MFSD12: variants seen among roughly 807,000 people sequenced by gnomAD.
MFSD12 encodes major facilitator superfamily domain containing 12.
Under a neutral mutation model 51.2 loss-of-function variants are expected in MFSD12, and 67 were observed. The ratio of observed to expected loss-of-function variants is 1.31; its 90% CI spans 1.08 to 1.60. The LOEUF is 1.60. MFSD12 is among the 40% of genes most tolerant of loss of function. MFSD12 has a pLI of 0.00. For synonymous variants in MFSD12, 441 were observed against 316.7 expected, an observed-to-expected ratio of 1.39 and a Z score of -4.17; for missense variants, 921 against 673.0, an observed-to-expected ratio of 1.37 and a Z score of -4.08.
In MFSD12 at chr19:3,551,106, G is replaced by C. The variant is rs993982525; in HGVS notation, c.387C>G (p.Leu129=). The C allele has an allele frequency of 2.5e-6, 4 of 1,613,152 alleles. No individual in the cohort carries two copies. The highest frequency in any genetic ancestry group is 1.1e-5 in the South Asian group (1 of 91,076). Residue 129 remains leucine (L), a synonymous_variant, in exon 2 of 10, where the codon CTC becomes CTG. Coordinates refer to ENST00000355415, the MANE Select transcript of MFSD12 (RefSeq NM_174983.5). The surrounding 1 kb of genome is among the most constrained non-coding windows in gnomAD (Gnocchi z 4.6). The stretch of plus-strand genomic sequence containing the variant: ...AGATCACGATGAACGGGCCGTAGTA[G>C]AGGAGGGCAGCCCACTCGGGCGTGG... ...GAATPEWAAL[L]YYGPFIVIFQ... is the part of the protein sequence containing the mutation.
Position 3,544,348 on chromosome 19 carries a change from T to C in MFSD12, c.*362A>G. The C allele has an allele frequency of 1.6e-6, 2 of 1,273,498 alleles. No homozygotes were observed. Among genetic ancestry groups the C allele is most frequent in the Non-Finnish European group, 2.0e-6 (2 of 1,009,364 alleles). The allele number at this position is 1,273,498 out of a possible 1,614,324, so 78.9% of individuals were successfully genotyped here. A position where few individuals can be genotyped will look rare whatever the true frequency, so the allele number is the denominator to read the frequency against. ...GTCCTGAGGGGGCCCTGGCAGTGTC[T>C]GGAGACCCCCAGGCTGGAGGTGAGG... On this transcript the variant is annotated 3_prime_UTR_variant, in exon 10 of 10. Transcript: ENST00000355415.
chr19:3,546,667 A>T (rs887175905), intron 6 of MFSD12, among the ~76,000 whole-genome samples: 1 of 152,242 alleles, frequency 6.6e-6, no homozygotes, highest in Admixed American at 6.5e-5. Context: ...AGCGCAGGTC[A>T]GTTACAACGA....
Position 3,547,733 on chromosome 19 carries a change from T to G in MFSD12, c.837+115A>C, listed in dbSNP as rs546003806. ...TGATGAGTGACGTTTGCCCTGGGTG[T>G]GGGCTGCACCAGGGGCCACGTGTGC... On this transcript the variant is annotated intron_variant, in intron 4 of 9. Coordinates refer to ENST00000355415, the MANE Select transcript of MFSD12 (RefSeq NM_174983.5). 3,615 of 1,299,390 alleles carry G rather than the reference T, an allele frequency of 2.8e-3. 18 individuals carry two copies. The highest frequency in any genetic ancestry group is 0.016 in the South Asian group (1,023 of 65,730). 80.5% of individuals were successfully genotyped at this position (1,299,390 alleles called of 1,614,324 possible).
downstream of MFSD12, chr19:3,541,845 C>T: frequency 1.0e-6 from 1 of 961,168 alleles, no homozygotes; most frequent in South Asian, 4.8e-5. Context: ...GTCTCGCTCT[C>T]TCACCCAGGC....
Position 3,550,984 on chromosome 19 carries a change from CTGAGTGCCG to C in MFSD12, c.500_508del (p.Thr167_Leu169del). On this transcript the variant is annotated inframe_deletion and splice_region_variant, in exon 2 of 10. Coordinates refer to ENST00000355415, the MANE Select transcript of MFSD12 (RefSeq NM_174983.5). ...TGGGGGAGGGTGCCCAGGCTCCCAC[CTGAGTGCCG>C]TGAGCTCCACCTTCTCATGGTCGTT... The C allele has an allele frequency of 8.1e-6, 13 of 1,610,600 alleles. No homozygotes were observed. The highest frequency in any genetic ancestry group is 1.1e-5 in the Non-Finnish European group (13 of 1,179,478).
rs1270125294 is a variant in MFSD12, at chr19:3,547,282, A to G, written c.1013T>C (p.Ile338Thr). 2 of 1,612,854 alleles carry G rather than the reference A, an allele frequency of 1.2e-6. No homozygotes were observed. Among genetic ancestry groups the G allele is most frequent in the East Asian group, 2.2e-5 (1 of 44,862 alleles). ...TCCCCGCCCACTCACGTTCCTCCCA[A>G]TGCACTTGTTGATGGGCTTCATGAG... Reference protein sequence around the residue: ...SFLMKPINKCIGRNMTYFSGL... With the variant: ...SFLMKPINKCTGRNMTYFSGL... The change falls in exon 6 of 10, where the codon ATT becomes ACT. Residue 338 changes from isoleucine to threonine, a missense_variant. Transcript: ENST00000355415.
At chr19:3,543,537 G>C (rs1457016975), downstream of MFSD12, 2 of 1,328,720 alleles carry the variant, frequency 1.5e-6, no homozygotes, top group African/African-American at 3.5e-5. Context: ...ATGACCGCCA[G>C]CCCCCGCCCC....
chr19:3,554,188 G>A (rs976369444), intron 1 of MFSD12, among the ~76,000 whole-genome samples: 1 of 152,092 alleles, frequency 6.6e-6, no homozygotes, highest in African/African-American at 2.4e-5. Context: ...TGTAATCCCA[G>A]CACTGTGGGG....
In MFSD12 at chr19:3,551,189, C is replaced by T. The variant is rs967101421; in HGVS notation, c.304G>A (p.Val102Ile). 1.2e-5 allele frequency: 20 copies of T among 1,603,850 alleles called. No homozygotes were observed. Among genetic ancestry groups the T allele is most frequent in the African/African-American group, 4.0e-5 (3 of 74,778 alleles). Residue 102 changes from valine (V) to isoleucine (I), a missense_variant, in exon 2 of 10, where the codon GTC becomes ATC. Val to Ile is a conservative substitution (Grantham distance 29). Coordinates refer to ENST00000355415, the MANE Select transcript of MFSD12 (RefSeq NM_174983.5). This position sits in a 1 kb window ranked among gnomAD's most constrained non-coding sequence, Gnocchi z 4.6. ...PRKAWHLVGT[V>I]CVLLSFPFIF... is the part of the protein sequence containing the mutation. ...AAGGGGAAGGACAGCAGGACGCAGACGGTGCCTGTGGAAGGCAGAGTGGTC... is the reference window on the plus strand; with the variant it reads ...AAGGGGAAGGACAGCAGGACGCAGATGGTGCCTGTGGAAGGCAGAGTGGTC...
At position 3,544,271 on chromosome 19, in the gene MFSD12, GGGGTCC is replaced by G; in HGVS notation, c.*433_*438del. 7.6e-7 allele frequency: 1 copy of G among 1,310,472 alleles called. No homozygotes were observed. Among genetic ancestry groups the G allele is most frequent in the Non-Finnish European group, 9.7e-7 (1 of 1,031,194 alleles). The allele number at this position is 1,310,472 out of a possible 1,614,324, so 81.2% of individuals were successfully genotyped here. A position where few individuals can be genotyped will look rare whatever the true frequency, so the allele number is the denominator to read the frequency against. ...GGGCAGCCCTGCTGCCCACCACGGT[GGGGTCC>G]AGGCCCAGCCCACCACCCCGTGGCT... On this transcript the variant is annotated 3_prime_UTR_variant, in exon 10 of 10. Coordinates refer to ENST00000355415, the MANE Select transcript of MFSD12 (RefSeq NM_174983.5).
chr19:3,546,585 C>T (rs997479166), intron 6 of MFSD12, among the ~76,000 whole-genome samples, 160 bp from the exon 7 acceptor site: 2 of 152,278 alleles, frequency 1.3e-5, no homozygotes, highest in Admixed American at 6.5e-5. Flanking sequence ...CGAGGCTCTG[C>T]AGATCCTCCA....
At chr19:3,540,944 G>A (rs1479296091), downstream of MFSD12, among the ~76,000 whole-genome samples, 4 of 151,838 alleles carry the variant, frequency 2.6e-5, no homozygotes, top group Non-Finnish European at 5.9e-5. Context: ...GCCGAGGCGG[G>A]TGGATCACGA....
chr19:3,549,213 G>A lies in MFSD12; in HGVS notation c.510-946C>T, dbSNP rs545431692. On this transcript the variant is annotated intron_variant, in intron 2 of 9. Transcript: ENST00000355415. ...CCTCTAGCAAGTTAGTGGATAAGCC[G>A]GGCACCCGCTGTACCCAGGTGTAAT... is the stretch of plus-strand genomic sequence containing the variant. 7.2e-5 allele frequency among the ~76,000 whole-genome samples: 11 copies of A among 152,272 alleles called. No individual in the cohort carries two copies. In the South Asian group the frequency reaches 1.7e-3, roughly 23 times the overall value.
rs1367661030 is a variant in MFSD12, at chr19:3,544,299, G to A, written c.*411C>T. 2 of 1,282,186 alleles carry A rather than the reference G, an allele frequency of 1.6e-6. No individual in the cohort carries two copies. Among genetic ancestry groups the A allele is most frequent in the Middle Eastern group, 3.0e-4 (1 of 3,374 alleles). The allele number at this position is 1,282,186 out of a possible 1,614,324, so 79.4% of individuals were successfully genotyped here. A position where few individuals can be genotyped will look rare whatever the true frequency, so the allele number is the denominator to read the frequency against. ...GTCCAGGCCCAGCCCACCACCCCGT[G>A]GCTGTCTCCTCCAGGCTCCAGCCGT... is the stretch of plus-strand genomic sequence containing the variant. On this transcript the variant is annotated 3_prime_UTR_variant, in exon 10 of 10. Transcript: ENST00000355415.
chr19:3,541,333 CA>C (rs899637037), downstream of MFSD12, among the ~76,000 whole-genome samples: 72 of 141,980 alleles, frequency 5.1e-4, no homozygotes, highest in Non-Finnish European at 3.9e-4. Context: ...AAGACTGTCT[CA>C]AAAAAAAAAA....
downstream of MFSD12, chr19:3,543,734 A>T: frequency 6.7e-7 from 1 of 1,494,694 alleles, no homozygotes; most frequent in Non-Finnish European, 9.0e-7. Context: ...AAGGCCACCT[A>T]GGCCAGGGTG....
downstream of MFSD12, chr19:3,539,235 GC>G: frequency 6.4e-7 from 1 of 1,550,726 alleles, no homozygotes; most frequent in Admixed American, 2.0e-5. Context: ...GACCCTCGAG[GC>G]CAGCTTCCCA....
At position 3,546,638 on chromosome 19, in the gene MFSD12, C is replaced by T. The variant is rs538099790; in HGVS notation, c.1024-213G>A. ...CTGTCCACGCCGTAGCGGCTGGAGA[C>T]GTGTGGCTATTCTGCCTGAGCGCAG... On this transcript the variant is annotated intron_variant, in intron 6 of 9. Coordinates refer to ENST00000355415, the MANE Select transcript of MFSD12 (RefSeq NM_174983.5). Among the ~76,000 whole-genome samples, 112 of 152,366 alleles carry T rather than the reference C, an allele frequency of 7.4e-4. No homozygotes were observed. In the South Asian group the frequency reaches 0.012, roughly 17 times the overall value.
downstream of MFSD12, chr19:3,539,248 C>T: frequency 6.5e-7 from 1 of 1,548,990 alleles, no homozygotes. Flanking sequence ...AGCTTCCCAG[C>T]ACCGCTGTAC....
Sources: allele counts gnomAD v4.1 joint callset (sites outside exome capture counted in the v4.1 genomes callset), GRCh38; gene constraint gnomAD v4.1.1; non-coding constraint Gnocchi (gnomAD v3.1); transcripts MANE v1.5; gene names NCBI Gene and HGNC (gene_info 2026-07-23, HGNC 2026-07-21).